Variants in SOHLH2 observed in about 807,000 individuals in gnomAD.
SOHLH2 encodes the protein spermatogenesis and oogenesis specific basic helix-loop-helix 2.
SOHLH2 carries 22 observed loss-of-function variants against 50.4 expected under a neutral mutation model. The ratio of observed to expected loss-of-function variants is 0.44; its 90% CI spans 0.31 to 0.62. The LOEUF (loss-of-function observed/expected upper bound fraction) is 0.62, where lower values mean the gene tolerates loss of function less well. Ranked by LOEUF, SOHLH2 falls within the 20% of genes least tolerant of loss-of-function variation. The probability of loss-of-function intolerance (pLI) is 0.08; values close to 1 mark genes in which losing one functional copy is unlikely to be tolerated. For synonymous variants in SOHLH2, 185 were observed against 187.3 expected, an observed-to-expected ratio of 0.99 and a Z score of 0.10; for missense variants, 412 against 504.4, an observed-to-expected ratio of 0.82 and a Z score of 1.76.
At chr13:36,185,656 C>G (rs924140092) in intron 6 of SOHLH2, among the ~76,000 whole-genome samples, 15 of 151,898 alleles carry the variant, frequency 9.9e-5, no homozygotes, top group African/African-American at 3.4e-4. Flanking sequence ...GCAGAAAACA[C>G]AATTTATCAA....
chr13:36,174,818 T>A lies in SOHLH2; in HGVS notation c.693A>T (p.Val231=). Residue 231 remains valine (V), a synonymous_variant, in exon 7 of 11, where the codon GTA becomes GTT. Transcript: ENST00000379881. ...AAGCCGCATCATTCTTTCTCCCTTT[T>A]ACATACGGCAAGAGAGTACGCAGCT... ...CEQLRTLLPY[V]KGRKNDAASV... is the part of the protein sequence containing the mutation. 6.2e-7 allele frequency: 1 copy of A among 1,610,044 alleles called. No homozygotes were observed. Among genetic ancestry groups the A allele is most frequent in the Non-Finnish European group, 8.5e-7 (1 of 1,178,934 alleles).
At chr13:36,177,399 T>G (rs1353267752) in intron 6 of SOHLH2, among the ~76,000 whole-genome samples, 2 of 152,124 alleles carry the variant, frequency 1.3e-5, no homozygotes, top group Non-Finnish European at 2.9e-5. Context: ...AGATGTCTTT[T>G]TATGAATGCA....
At chr13:36,212,470 CAATGT>C (rs1869184545) in intron 1 of SOHLH2, among the ~76,000 whole-genome samples, 1 of 151,934 alleles carries the variant, frequency 6.6e-6, no homozygotes, top group Non-Finnish European at 1.5e-5. Context: ...ATGTTGTTGA[CAATGT>C]AATATGAACA....
intron 2 of SOHLH2, among the ~76,000 whole-genome samples, chr13:36,200,236 CCTTT>C (rs778770192): frequency 6.6e-6 from 1 of 152,056 alleles, no homozygotes; most frequent in Non-Finnish European, 1.5e-5. Flanking sequence ...AAGGGAACTC[CCTTT>C]TTTTAAGGCT....
In SOHLH2 at chr13:36,213,039, A is replaced by G. The variant is rs999295814; in HGVS notation, c.48+1440T>C. Among the ~76,000 whole-genome samples the G allele has an allele frequency of 7.2e-5, 11 of 152,312 alleles. No homozygotes were observed. The South Asian group carries it at 1.5e-3, about 20-fold the overall frequency. On this transcript the variant is annotated intron_variant, in intron 1 of 10. Transcript: ENST00000379881. ...ATCACCAGGAGCAGAGCAGCCCACA[A>G]TCAGCAGCAGCTGCAGGGCTGAGGC...
At chr13:36,203,965 T>TTTTTTTTTTTTG in intron 1 of SOHLH2, among the ~76,000 whole-genome samples, 1 of 148,096 alleles carries the variant, frequency 6.8e-6, no homozygotes, top group Non-Finnish European at 1.5e-5. Flanking sequence ...TTTTTTTTTT[T>TTTTTTTTTTTTG]TTTTTTGAGG....
intron 1 of SOHLH2, among the ~76,000 whole-genome samples, chr13:36,207,723 C>T (rs183189104): frequency 1.6e-4 from 24 of 152,270 alleles, no homozygotes; most frequent in Admixed American, 3.9e-4. Flanking sequence ...CTAGTTTCTT[C>T]TAATATGCAA....
At position 36,202,141 on chromosome 13, in the gene SOHLH2, A is replaced by G. The variant is rs540076723; in HGVS notation, c.49-48T>C. 21 of 1,603,768 alleles carry G rather than the reference A, an allele frequency of 1.3e-5. No homozygotes were observed. In the South Asian group the frequency reaches 2.2e-4, roughly 17 times the overall value. ...CGTCACATAATTATTGCCTAGGCAT[A>G]GGGAAAATGTCATGTATGAGAGGAT... On this transcript the variant is annotated intron_variant, in intron 1 of 10. Transcript: ENST00000379881.
chr13:36,189,745 T>C (rs543486821), intron 6 of SOHLH2, among the ~76,000 whole-genome samples: 1 of 152,332 alleles, frequency 6.6e-6, no homozygotes, highest in South Asian at 2.1e-4. Flanking sequence ...ATATCAGTTC[T>C]CCAATCCTTC....
chr13:36,197,414 A>G (rs1306796513), intron 2 of SOHLH2, among the ~76,000 whole-genome samples: 5 of 152,198 alleles, frequency 3.3e-5, no homozygotes, highest in Non-Finnish European at 4.4e-5. Context: ...AACAAAGATC[A>G]TATACAAGTG....
chr13:36,173,845 T>A, intron 8 of SOHLH2, 35 bp from the exon 9 acceptor site: 1 of 1,611,644 alleles, frequency 6.2e-7, no homozygotes. Context: ...TGCACATTTT[T>A]CAAGGAAAAC....
At chr13:36,195,301 T>C (rs576913468) in intron 2 of SOHLH2, among the ~76,000 whole-genome samples, 1 of 152,124 alleles carries the variant, frequency 6.6e-6, no homozygotes, top group South Asian at 2.1e-4. Flanking sequence ...AGAAAGCAGA[T>C]GTGCAGCACA....
chr13:36,179,583 AT>A (rs889898954), intron 6 of SOHLH2, among the ~76,000 whole-genome samples: 6 of 146,644 alleles, frequency 4.1e-5, no homozygotes, highest in Non-Finnish European at 6.0e-5. Flanking sequence ...TAATTTTTTT[AT>A]TTTTTTTTTG....
chr13:36,172,546 C>T (rs1405092585), intron 9 of SOHLH2, among the ~76,000 whole-genome samples: 5 of 152,226 alleles, frequency 3.3e-5, no homozygotes, highest in Non-Finnish European at 7.3e-5. Flanking sequence ...ATGGCTTCCG[C>T]CACATCCCCA....
intron 6 of SOHLH2, among the ~76,000 whole-genome samples, chr13:36,176,151 A>G (rs1018600318): frequency 3.9e-5 from 6 of 152,170 alleles, no homozygotes; most frequent in Admixed American, 1.3e-4. Flanking sequence ...ACAGCATATA[A>G]AATATAATCC....
intron 5 of SOHLH2, 29 bp from the exon 6 acceptor site, chr13:36,190,085 A>G (rs1464721590): frequency 3.2e-6 from 5 of 1,567,222 alleles, no homozygotes; most frequent in Non-Finnish European, 4.3e-6. Flanking sequence ...CACACCATAC[A>G]TTAAAGGGGA....
At chr13:36,185,931 C>T (rs1305508556) in intron 6 of SOHLH2, among the ~76,000 whole-genome samples, 1 of 152,152 alleles carries the variant, frequency 6.6e-6, no homozygotes, top group Non-Finnish European at 1.5e-5. Context: ...TGAATCCTAT[C>T]AAACATAACA....
At chr13:36,207,588 T>C (rs530586544) in intron 1 of SOHLH2, among the ~76,000 whole-genome samples, 2 of 152,316 alleles carry the variant, frequency 1.3e-5, no homozygotes, top group South Asian at 2.1e-4. Flanking sequence ...AAGAAATTAA[T>C]ATTAGCATAG....
chr13:36,172,625 T>C (rs1172285888), intron 9 of SOHLH2, among the ~76,000 whole-genome samples: 1 of 152,272 alleles, frequency 6.6e-6, no homozygotes, highest in Admixed American at 6.5e-5. Context: ...TGTGACCCTT[T>C]CTACCACTAA....
Sources: gnomAD v4.1 joint callset for allele counts (sites outside exome capture counted in the v4.1 genomes callset) on GRCh38, gnomAD v4.1.1 for gene constraint, MANE v1.5 for transcripts, NCBI Gene and HGNC (gene_info 2026-07-23, HGNC 2026-07-21) for gene names.